The following SUN2 variants were observed in gnomAD, a reference collection of about 807,000 sequenced individuals.
SUN2 encodes the protein Sad1 and UNC84 domain containing 2, also known as SUN domain-containing protein 2.
SUN2 carries 60 observed loss-of-function variants against 100.0 expected under a neutral mutation model. The ratio of observed to expected loss-of-function variants is 0.60; its 90% CI spans 0.49 to 0.74. The LOEUF is 0.74. Ranked by LOEUF, SUN2 falls within the 30% of genes least tolerant of loss-of-function variation. The probability of loss-of-function intolerance (pLI) is 0.00; values close to 1 mark genes in which losing one functional copy is unlikely to be tolerated. For synonymous variants in SUN2, 367 were observed against 403.3 expected (o/e 0.91, Z 1.08); for missense variants, 834 against 954.6 (o/e 0.87, Z 1.66).
rs763851940 is a variant in SUN2, at chr22:38,739,886, G to A, written c.1414C>T (p.Arg472Cys). ...TCCTCTCTCTGAAGGAGCCCCACGC[G>A]GCCCCCTCCACCTCGGGCAAGGAAC... ...SQFLARGGGG[R>C]VGLLQREEMQ... Residue 472 changes from arginine to cysteine, a missense_variant, in exon 13 of 18, where the codon CGC becomes TGC. By Grantham distance (180) the Arg-to-Cys change is radical. Around this residue, in one of 3 missense-constraint regions of SUN2, gnomAD observed 195 missense variants for 280.2 expected, o/e 0.70. Coordinates refer to ENST00000689035, the MANE Select transcript of SUN2 (RefSeq NM_015374.3). The surrounding 1 kb of genome is among the most constrained non-coding windows in gnomAD (Gnocchi z 6.7). 6.2e-6 allele frequency: 10 copies of A among 1,613,064 alleles called. No individual in the cohort carries two copies. The highest frequency in any genetic ancestry group is 2.2e-5 in the South Asian group (2 of 91,090).
intron 8 of SUN2, chr22:38,743,776 A>C (rs1301697332): frequency 6.6e-6 from 1 of 152,198 alleles, no homozygotes; most frequent in East Asian, 1.9e-4. Context: ...GATGGTTCTG[A>C]AATTGAACTG....
chr22:38,754,988 C>G lies in SUN2; in HGVS notation c.-38+775G>C, dbSNP rs79483980. On this transcript the variant is annotated intron_variant, in intron 1 of 17. Coordinates refer to ENST00000689035, the MANE Select transcript of SUN2 (RefSeq NM_015374.3). ...CTCTGGGAGCTGAAATCTACTACTG[C>G]GAATCATAATAGACACCACCCCCGC... The G allele has an allele frequency of 6.2e-6, 8 of 1,287,044 alleles. No homozygotes were observed. The South Asian group carries it at 8.6e-5, about 14-fold the overall frequency. The allele number at this position is 1,287,044 out of a possible 1,614,324, so 79.7% of individuals were successfully genotyped here.
chr22:38,752,400 A>C, intron 2 of SUN2, 107 bp downstream of exon 2: 11 of 1,371,876 alleles, frequency 8.0e-6, no homozygotes, highest in East Asian at 2.4e-5. Context: ...ATTTCCACCC[A>C]AGGTTGCAAC....
At position 38,738,826 on chromosome 22, in the gene SUN2, C is replaced by T. The variant is rs2092829470; in HGVS notation, c.1779+47G>A. ...CTTGCTGACCCCAGATGGGACCAGC[C>T]CTCAGTGTGCTCAGAGCCCCCGCTG... On this transcript the variant is annotated intron_variant, in intron 15 of 17. Coordinates refer to ENST00000689035, the MANE Select transcript of SUN2 (RefSeq NM_015374.3). The surrounding 1 kb of genome is among the most constrained non-coding windows in gnomAD (Gnocchi z 6.6). 1 of 1,596,184 alleles carries T rather than the reference C, an allele frequency of 6.3e-7. No individual in the cohort carries two copies. Among genetic ancestry groups the T allele is most frequent in the African/African-American group, 1.3e-5 (1 of 74,762 alleles).
Position 38,739,179 on chromosome 22 carries a change from C to G in SUN2, c.1663+163G>C. 1 of 925,220 alleles carries G rather than the reference C, an allele frequency of 1.1e-6. No homozygotes were observed. The highest frequency in any genetic ancestry group is 1.7e-6 in the Non-Finnish European group (1 of 589,054). 57.3% of individuals were successfully genotyped at this position (925,220 alleles called of 1,614,324 possible). On this transcript the variant is annotated intron_variant, in intron 14 of 17. Coordinates refer to ENST00000689035, the MANE Select transcript of SUN2 (RefSeq NM_015374.3). The surrounding 1 kb of genome is among the most constrained non-coding windows in gnomAD (Gnocchi z 6.7). ...CAGGATGGTACTCGGTACGTCCTGA[C>G]TTCCCTGAATTGCCACTTGCCTTTG...
chr22:38,755,984 G>T lies in SUN2; in HGVS notation c.-259C>A, dbSNP rs1473900806. ...AGGCCCGCGCTGCGCGAGTGGGGCC[G>T]GGCGGCGCGCGTGTGGCCGACTCTG... On this transcript the variant is annotated 5_prime_UTR_variant, in exon 1 of 18. Transcript: ENST00000689035. This position sits in a 1 kb window ranked among gnomAD's most constrained non-coding sequence, Gnocchi z 5.7. 2.0e-6 allele frequency: 2 copies of T among 984,044 alleles called. No individual in the cohort carries two copies. The highest frequency in any genetic ancestry group is 2.4e-6 in the Non-Finnish European group (2 of 829,456). 61.0% of individuals were successfully genotyped at this position (984,044 alleles called of 1,614,324 possible). A position where few individuals can be genotyped will look rare whatever the true frequency, so the allele number is the denominator to read the frequency against.
intron 6 of SUN2, 63 bp from the exon 7 acceptor site, chr22:38,748,846 C>A: frequency 6.5e-7 from 1 of 1,529,636 alleles, no homozygotes; most frequent in South Asian, 1.1e-5. Context: ...CAGGCCTCCA[C>A]GTTCCACCCA....
intron 7 of SUN2, among the ~76,000 whole-genome samples, chr22:38,747,359 CATT>C (rs987100617): frequency 2.7e-5 from 4 of 150,546 alleles, no homozygotes; most frequent in African/African-American, 9.8e-5. Context: ...GAAGAAGAAT[CATT>C]ATTATTTTAA....
In SUN2 at chr22:38,754,485, C is replaced by T. The variant is rs139251861; in HGVS notation, c.-38+1278G>A. Among the ~76,000 whole-genome samples, 16 of 152,322 alleles carry T rather than the reference C, an allele frequency of 1.1e-4. 1 individual carries two copies. In the South Asian group the frequency reaches 1.5e-3, roughly 14 times the overall value. ...CTTGTTGGCATCTTCCCAGGTCAGA[C>T]GCCCATCTGGCATCCCCTCTACTTT... On this transcript the variant is annotated intron_variant, in intron 1 of 17. Coordinates refer to ENST00000689035, the MANE Select transcript of SUN2 (RefSeq NM_015374.3).
chr22:38,744,513 C>G (rs2092887685), intron 8 of SUN2, among the ~76,000 whole-genome samples: 1 of 152,084 alleles, frequency 6.6e-6, no homozygotes, highest in Non-Finnish European at 1.5e-5. Context: ...CCCAGGAGTT[C>G]AAGGTTACAA....
intron 1 of SUN2, among the ~76,000 whole-genome samples, chr22:38,753,174 A>G (rs974996585): frequency 2.7e-4 from 38 of 142,032 alleles, no homozygotes; most frequent in Admixed American, 2.4e-3. Context: ...ACGAACCTTG[A>G]TGGAAAACCT....
chr22:38,744,747 C>T (rs994216802), intron 8 of SUN2, among the ~76,000 whole-genome samples: 1 of 152,152 alleles, frequency 6.6e-6, no homozygotes, highest in African/African-American at 2.4e-5. Flanking sequence ...CTTAAGTGAT[C>T]CTCCCACCTT....
intron 8 of SUN2, chr22:38,743,587 CAAAAA>C (rs34676418): frequency 2.4e-5 from 2 of 85,014 alleles, no homozygotes; most frequent in Non-Finnish European, 4.3e-5. Flanking sequence ...GACTCCGTCT[CAAAAA>C]AAAAAAAAAA....
At position 38,742,496 on chromosome 22, in the gene SUN2, A is replaced by G; in HGVS notation, c.873T>C (p.Ala291=). The change falls in exon 9 of 18, where the codon GCT becomes GCC. Residue 291 remains alanine (A), a synonymous_variant. Coordinates refer to ENST00000689035, the MANE Select transcript of SUN2 (RefSeq NM_015374.3). The part of the protein sequence containing the change: ...HSLERRLEAL[A]AEFSSNWQKE... ...TCTGCCAGTTGGAGGAAAATTCAGC[A>G]GCAAGAGCTTCCAGACGCCGCTCCA... 1 of 1,613,610 alleles carries G rather than the reference A, an allele frequency of 6.2e-7. No homozygotes were observed. The highest frequency in any genetic ancestry group is 8.5e-7 in the Non-Finnish European group (1 of 1,180,028).
At chr22:38,751,883 G>A (rs1030100529) in intron 2 of SUN2, among the ~76,000 whole-genome samples, 2 of 152,190 alleles carry the variant, frequency 1.3e-5, no homozygotes, top group East Asian at 3.9e-4. Context: ...AGCAGGGGGG[G>A]TTCCTGTGAG....
In SUN2 at chr22:38,755,658, G is replaced by A. The variant is rs2146125436; in HGVS notation, c.-38+105C>T. 2.1e-6 allele frequency: 2 copies of A among 973,072 alleles called. No individual in the cohort carries two copies. Among genetic ancestry groups the A allele is most frequent in the Non-Finnish European group, 2.4e-6 (2 of 818,634 alleles). 60.3% of individuals were successfully genotyped at this position (973,072 alleles called of 1,614,324 possible). A position where few individuals can be genotyped will look rare whatever the true frequency, so the allele number is the denominator to read the frequency against. ...CCGGCCCAGCACGTCCCGGAGAGGA[G>A]GAAGCAGGCCTGGCGGCGCGGCCCC... On this transcript the variant is annotated intron_variant, in intron 1 of 17. Coordinates refer to ENST00000689035, the MANE Select transcript of SUN2 (RefSeq NM_015374.3). The surrounding 1 kb of genome is among the most constrained non-coding windows in gnomAD (Gnocchi z 5.7).
chr22:38,746,125 G>C (rs2092901744), intron 7 of SUN2, among the ~76,000 whole-genome samples: 1 of 152,226 alleles, frequency 6.6e-6, no homozygotes, highest in African/African-American at 2.4e-5. Context: ...CCTGATGGTG[G>C]TTCTCAGCCC....
At chr22:38,746,481 C>A (rs1269413246) in intron 7 of SUN2, among the ~76,000 whole-genome samples, 2 of 152,164 alleles carry the variant, frequency 1.3e-5, no homozygotes, top group African/African-American at 4.8e-5. Flanking sequence ...TGATAAAGCT[C>A]CATTCGCTAC....
rs1043312 is a variant in SUN2 at position 38,735,722 on chromosome 22, T to G, written c.*545A>C. On this transcript the variant is annotated 3_prime_UTR_variant, in exon 18 of 18. Coordinates refer to ENST00000689035, the MANE Select transcript of SUN2 (RefSeq NM_015374.3). ...AGGCCCTCAGGGACCCTGTGGTTCA[T>G]GCTTCCCTAGGTGGAGGGCACTAAC... 68,394 of 160,986 alleles carry G rather than the reference T, an allele frequency of 0.42. 15,688 individuals are homozygous for G. The highest frequency in any genetic ancestry group is 0.61 in the African/African-American group (25,404 of 41,550). 10.0% of individuals were successfully genotyped at this position (160,986 alleles called of 1,614,324 possible). A position where few individuals can be genotyped will look rare whatever the true frequency, so the allele number is the denominator to read the frequency against.
Sources: gnomAD v4.1 joint callset for allele counts (sites outside exome capture counted in the v4.1 genomes callset) on GRCh38, gnomAD v4.1.1 for gene constraint, gnomAD v4.1.1 regional missense constraint, Gnocchi (gnomAD v3.1) non-coding constraint, MANE v1.5 for transcripts, NCBI Gene and HGNC (gene_info 2026-07-23, HGNC 2026-07-21) for gene names.